Variants in HHLA1 observed in about 807,000 individuals in gnomAD.
HHLA1 encodes the protein HHLA1 neighbor of OC90.
Under a neutral mutation model 69.9 loss-of-function variants are expected in HHLA1, and 72 were observed. The observed-to-expected ratio is 1.03, with a 90% confidence interval of 0.85 to 1.25. The LOEUF (loss-of-function observed/expected upper bound fraction) is 1.25, where lower values mean the gene tolerates loss of function less well. HHLA1 is among the 50% of genes most tolerant of loss of function. The probability of loss-of-function intolerance (pLI) is 0.00; values close to 1 mark genes in which losing one functional copy is unlikely to be tolerated. For synonymous variants in HHLA1, 252 were observed against 233.2 expected (o/e 1.08, Z -0.73); for missense variants, 685 against 642.2 (o/e 1.07, Z -0.72).
At position 132,076,526 on chromosome 8, in the gene HHLA1, T is replaced by C; in HGVS notation, c.1189A>G (p.Thr397Ala). Reference protein sequence around the residue: ...SPTLGAFTHGTQTPSPTKATA... With the variant: ...SPTLGAFTHGAQTPSPTKATA... ...GCCTTGGTTGGACTCGGAGTCTGTG[T>C]GCCATGGGTGAATGCTCCTGGGAGG... is the stretch of plus-strand genomic sequence containing the variant. Residue 397 changes from threonine to alanine, a missense_variant, in exon 13 of 17, where the codon ACA becomes GCA. Physicochemically the swap from Thr to Ala is moderately conservative, Grantham distance 58. Transcript: ENST00000414222. 1 of 1,523,508 alleles carries C rather than the reference T, an allele frequency of 6.6e-7. No homozygotes were observed. The highest frequency in any genetic ancestry group is 8.8e-7 in the Non-Finnish European group (1 of 1,132,860). 94.4% of individuals were successfully genotyped at this position (1,523,508 alleles called of 1,614,324 possible). A position where few individuals can be genotyped will look rare whatever the true frequency, so the allele number is the denominator to read the frequency against.
chr8:132,090,411 A>C (rs1823928985), intron 7 of HHLA1, among the ~76,000 whole-genome samples: 2 of 152,220 alleles, frequency 1.3e-5, no homozygotes, highest in African/African-American at 4.8e-5. Context: ...CTAAAGAGGA[A>C]GCTTCTTGGG....
At position 132,101,079 on chromosome 8, in the gene HHLA1, A is replaced by G. The variant is rs546744491; in HGVS notation, c.140-945T>C. 104 of 1,325,808 alleles carry G rather than the reference A, an allele frequency of 7.8e-5. No individual in the cohort carries two copies. In the Admixed American group the frequency reaches 1.3e-3, roughly 17 times the overall value. 82.1% of individuals were successfully genotyped at this position (1,325,808 alleles called of 1,614,324 possible). ...AAAAAAAGCTAGTATCACATGTAAC[A>G]TGAAAAATGACCATTGCAACAATAG... On this transcript the variant is annotated intron_variant, in intron 3 of 16. Transcript: ENST00000414222.
At chr8:132,106,223 A>G (rs1019616258) in intron 1 of HHLA1, among the ~76,000 whole-genome samples, 1 of 152,248 alleles carries the variant, frequency 6.6e-6, no homozygotes, top group Admixed American at 6.5e-5. Context: ...AAGAAAAGTC[A>G]AGAGAATGTG....
chr8:132,085,088 G>C (rs954676209), intron 10 of HHLA1, among the ~76,000 whole-genome samples: 1 of 152,158 alleles, frequency 6.6e-6, no homozygotes, highest in African/African-American at 2.4e-5. Context: ...CCCCAGAAAA[G>C]TGGGACTTGC....
In HHLA1 at chr8:132,102,588, CT is replaced by C. The variant is rs752025898; in HGVS notation, c.139+1519del. On this transcript the variant is annotated intron_variant, in intron 3 of 16. Coordinates refer to ENST00000414222, the MANE Select transcript of HHLA1 (RefSeq NM_001145095.3). Reference sequence around the variant, plus strand: ...ACCTGCGCAGTCTACTCTGCACCAGCTGCTATAAGATCTGCAGGAGGCACAA... The same window carrying C: ...ACCTGCGCAGTCTACTCTGCACCAGCGCTATAAGATCTGCAGGAGGCACAA... Among the ~76,000 whole-genome samples the C allele has an allele frequency of 2.6e-4, 40 of 152,342 alleles. 1 individual carries two copies. The highest frequency in any genetic ancestry group is 9.2e-4 in the Admixed American group (14 of 15,298).
At chr8:132,072,201 T>C (rs1489180016) in intron 14 of HHLA1, among the ~76,000 whole-genome samples, 1 of 152,112 alleles carries the variant, frequency 6.6e-6, no homozygotes, top group Non-Finnish European at 1.5e-5. Flanking sequence ...AGGCCAAAGA[T>C]AAAAGAAGGA....
intron 12 of HHLA1, among the ~76,000 whole-genome samples, chr8:132,077,268 T>C (rs1823661414): frequency 6.6e-6 from 1 of 152,192 alleles, no homozygotes; most frequent in Non-Finnish European, 1.5e-5. Flanking sequence ...GAGAGTGGGC[T>C]TTGCAGGCAC....
At chr8:132,090,179 T>C (rs1272195711) in intron 7 of HHLA1, among the ~76,000 whole-genome samples, 1 of 152,222 alleles carries the variant, frequency 6.6e-6, no homozygotes, top group Non-Finnish European at 1.5e-5. Flanking sequence ...GATAACTTTT[T>C]CAGCATTTCA....
chr8:132,102,327 A>G (rs1015547722), intron 3 of HHLA1, among the ~76,000 whole-genome samples: 7 of 152,218 alleles, frequency 4.6e-5, no homozygotes, highest in South Asian at 2.1e-4. Flanking sequence ...GCTTAAGCCA[A>G]TTTGGCCTTT....
chr8:132,072,006 G>T (rs759584379), intron 14 of HHLA1, among the ~76,000 whole-genome samples: 1 of 152,104 alleles, frequency 6.6e-6, no homozygotes, highest in African/African-American at 2.4e-5. Context: ...GTGTATGCAC[G>T]TGCATGTGTA....
intron 14 of HHLA1, among the ~76,000 whole-genome samples, chr8:132,075,619 T>A (rs1201617364): frequency 6.6e-6 from 1 of 152,232 alleles, no homozygotes; most frequent in African/African-American, 2.4e-5. Flanking sequence ...TGCAGTCATC[T>A]TTTTTATTCC....
intron 1 of HHLA1, among the ~76,000 whole-genome samples, chr8:132,108,967 A>G (rs1824251227): frequency 1.3e-5 from 2 of 152,188 alleles, no homozygotes; most frequent in African/African-American, 4.8e-5. Context: ...GTGATATATA[A>G]GTCCCCAAGT....
chr8:132,097,980 T>C (rs1164237208), intron 5 of HHLA1, among the ~76,000 whole-genome samples: 1 of 152,242 alleles, frequency 6.6e-6, no homozygotes, highest in African/African-American at 2.4e-5. Flanking sequence ...CATGTACCAT[T>C]ACCTATTTAT....
Position 132,087,838 on chromosome 8 carries a change from G to A in HHLA1, c.589+7C>T, listed in dbSNP as rs1242576377. On this transcript the variant is annotated splice_region_variant and intron_variant, in intron 9 of 16. Transcript: ENST00000414222. ...GAGAGCTTGTCAAAGAATGTCTAGT[G>A]GTTTACCTGACTTTCCTGTCATCAC... The A allele has an allele frequency of 6.4e-7, 1 of 1,550,534 alleles. No homozygotes were observed. Among genetic ancestry groups the A allele is most frequent in the South Asian group, 1.2e-5 (1 of 84,038 alleles).
At chr8:132,087,395 C>G (rs13263615) in intron 10 of HHLA1, among the ~76,000 whole-genome samples, 4,209 of 152,170 alleles carry the variant, frequency 0.028, 91 homozygotes, top group South Asian at 0.063. Context: ...GGAAAAGGTG[C>G]CCTTCCTAGT....
In HHLA1 at chr8:132,081,869, A is replaced by G. The variant is rs977642490; in HGVS notation, c.677-1903T>C. ...TGAGAAGTTATTTCCTTGAGGATAG[A>G]TTTCCACGATGGAAAGGAAATGAGA... is the stretch of plus-strand genomic sequence containing the variant. On this transcript the variant is annotated intron_variant, in intron 10 of 16. Coordinates refer to ENST00000414222, the MANE Select transcript of HHLA1 (RefSeq NM_001145095.3). Among the ~76,000 whole-genome samples the G allele has an allele frequency of 4.6e-5, 7 of 152,284 alleles. No homozygotes were observed. In the East Asian group the frequency reaches 1.4e-3, roughly 29 times the overall value.
In HHLA1 at chr8:132,061,976, G is replaced by T. The variant is rs1823360174; in HGVS notation, c.*2019C>A. Reference sequence around the variant, plus strand: ...AAGTATGGGGTAACTGGGTTCACATGGGTTTCCCCACAAGTGAATAGCCCC... The same window carrying T: ...AAGTATGGGGTAACTGGGTTCACATTGGTTTCCCCACAAGTGAATAGCCCC... On this transcript the variant is annotated 3_prime_UTR_variant, in exon 17 of 17. Transcript: ENST00000414222. 1 of 152,138 alleles carries T rather than the reference G, an allele frequency of 6.6e-6. No individual in the cohort carries two copies. Among genetic ancestry groups the T allele is most frequent in the African/African-American group, 2.4e-5 (1 of 41,408 alleles). 9.4% of individuals were successfully genotyped at this position (152,138 alleles called of 1,614,324 possible). A position where few individuals can be genotyped will look rare whatever the true frequency, so the allele number is the denominator to read the frequency against.
At chr8:132,082,662 G>A (rs2130885900) in intron 10 of HHLA1, among the ~76,000 whole-genome samples, 1 of 152,276 alleles carries the variant, frequency 6.6e-6, no homozygotes, top group East Asian at 1.9e-4. Context: ...CAGTCTAAGT[G>A]AAAGCAAAGA....
intron 3 of HHLA1, among the ~76,000 whole-genome samples, chr8:132,103,538 A>C (rs917784743): frequency 8.5e-5 from 13 of 152,106 alleles, no homozygotes; most frequent in Admixed American, 7.9e-4. Flanking sequence ...GAATCTCTTG[A>C]GCCTTTGGGG....
Sources: gnomAD v4.1 joint callset for allele counts (sites outside exome capture counted in the v4.1 genomes callset) on GRCh38, gnomAD v4.1.1 for gene constraint, MANE v1.5 for transcripts, NCBI Gene and HGNC (gene_info 2026-07-23, HGNC 2026-07-21) for gene names.